CACNA2D4: variants seen among roughly 807,000 people sequenced by gnomAD.
CACNA2D4 encodes the protein calcium voltage-gated channel auxiliary subunit alpha2delta 4.
In CACNA2D4, 157 loss-of-function variants were observed where a neutral mutation model predicts 163.8. That is an observed-to-expected ratio of 0.96 (90% CI 0.84 to 1.09). The LOEUF is 1.09. Ranked by LOEUF, CACNA2D4 falls within the 50% of genes least tolerant of loss-of-function variation. CACNA2D4 has a pLI of 0.00. For missense variants in CACNA2D4, 1,410 were observed against 1,479.9 expected (o/e 0.95, Z 0.78); for synonymous variants, 598 against 586.9 (o/e 1.02, Z -0.27).
Position 1,829,197 on chromosome 12 carries a change from C to T in CACNA2D4, c.2551+11542G>A, listed in dbSNP as rs987454591. 1.3e-5 allele frequency among the ~76,000 whole-genome samples: 2 copies of T among 152,176 alleles called. No homozygotes were observed. Among genetic ancestry groups the T allele is most frequent in the Admixed American group, 6.5e-5 (1 of 15,288 alleles). On this transcript the variant is annotated intron_variant, in intron 26 of 37. Coordinates refer to ENST00000382722, the MANE Select transcript of CACNA2D4 (RefSeq NM_172364.5). The surrounding 1 kb of genome is among the most constrained non-coding windows in gnomAD (Gnocchi z 4.2). ...GGCGCAGGGAGTCGCTCTTCCGCAG[C>T]GGCTCTCTTAGCCTGCTGTCAGGCC...
intron 18 of CACNA2D4, among the ~76,000 whole-genome samples, 163 bp from the exon 19 acceptor site, chr12:1,860,369 A>G (rs1865497876): frequency 6.6e-6 from 1 of 152,166 alleles, no homozygotes; most frequent in Admixed American, 6.5e-5. Flanking sequence ...AGTGACACCC[A>G]TAGGCAGATC....
chr12:1,918,444 G>C lies in CACNA2D4; in HGVS notation c.30C>G (p.Pro10=), dbSNP rs1867052563. Residue 10 remains proline, a synonymous_variant, in exon 1 of 38, where the codon CCC becomes CCG. Transcript: ENST00000382722. MVCGCSALL[P]LPNPRPTMPA... ...GCATGGTGGGCCTGGGGTTGGGGAG[G>C]GGAAGGAGGGCAGAGCAGCCACAGA... 6.3e-7 allele frequency: 1 copy of C among 1,580,322 alleles called. No homozygotes were observed. The highest frequency in any genetic ancestry group is 1.3e-5 in the African/African-American group (1 of 74,288).
rs767112901 is a variant in CACNA2D4, at chr12:1,800,085, C to T, written c.2922-33G>A. ...ACACAGGACTGAATCTCGGAGACCT[C>T]TGAGCCCTCCCGACTTGGGTTCCCA... On this transcript the variant is annotated intron_variant, in intron 32 of 37. Transcript: ENST00000382722. 1.9e-5 allele frequency: 30 copies of T among 1,574,808 alleles called. No homozygotes were observed. In the South Asian group the frequency reaches 3.4e-4, roughly 18 times the overall value.
In CACNA2D4 at chr12:1,846,702, C is replaced by T; in HGVS notation, c.2247-13G>A. The T allele has an allele frequency of 6.3e-7, 1 of 1,582,184 alleles. No homozygotes were observed. The highest frequency in any genetic ancestry group is 1.2e-5 in the South Asian group (1 of 86,780). ...GTGTTCAGACTCCCTGTGTGGCAGA[C>T]AGAGCGGGAATGGTCACCACATGGC... On this transcript the variant is annotated splice_polypyrimidine_tract_variant and intron_variant, in intron 23 of 37. Coordinates refer to ENST00000382722, the MANE Select transcript of CACNA2D4 (RefSeq NM_172364.5).
chr12:1,819,315 C>G (rs1347567398), intron 26 of CACNA2D4, among the ~76,000 whole-genome samples: 1 of 152,058 alleles, frequency 6.6e-6, no homozygotes, highest in African/African-American at 2.4e-5. Flanking sequence ...AGGTCAGAGG[C>G]GGGACTCCCC....
At chr12:1,818,370 C>T (rs1333696729) in intron 26 of CACNA2D4, among the ~76,000 whole-genome samples, 1 of 151,816 alleles carries the variant, frequency 6.6e-6, no homozygotes, top group Non-Finnish European at 1.5e-5. Flanking sequence ...CGGATGGTTG[C>T]CGTGTCTGTG....
At chr12:1,885,877 G>T (rs1470095098) in intron 9 of CACNA2D4, 88 bp downstream of exon 9, 2 of 958,676 alleles carry the variant, frequency 2.1e-6, no homozygotes, top group Non-Finnish European at 3.2e-6. Context: ...TAAGCAAAAA[G>T]GGCCACAGAA....
intron 37 of CACNA2D4, among the ~76,000 whole-genome samples, chr12:1,794,705 C>G (rs1325183045): frequency 6.6e-6 from 1 of 152,226 alleles, no homozygotes; most frequent in Non-Finnish European, 1.5e-5. Context: ...ACGGGGTACG[C>G]AGAGCTCCCA....
intron 29 of CACNA2D4, among the ~76,000 whole-genome samples, chr12:1,809,046 T>TGTGG (rs949324409): frequency 1.9e-4 from 29 of 152,334 alleles, no homozygotes; most frequent in Admixed American, 1.7e-3. Context: ...TCTCTACTCT[T>TGTGG]GTGGCTGAGA....
intron 1 of CACNA2D4, chr12:1,915,328 G>C: frequency 1.4e-6 from 1 of 695,338 alleles, no homozygotes; most frequent in South Asian, 1.5e-5. Flanking sequence ...TGTGGGGCCG[G>C]GCTGACGAGC....
intron 18 of CACNA2D4, among the ~76,000 whole-genome samples, chr12:1,863,965 T>C (rs2154448712): frequency 6.6e-6 from 1 of 152,080 alleles, no homozygotes; most frequent in East Asian, 1.9e-4. Flanking sequence ...CAGCAGAGTT[T>C]CGGAAATGCG....
intron 26 of CACNA2D4, among the ~76,000 whole-genome samples, chr12:1,827,186 C>T (rs1017279621): frequency 2.0e-5 from 3 of 152,222 alleles, no homozygotes; most frequent in South Asian, 2.1e-4. Flanking sequence ...GTCCCCTGTC[C>T]CCCTCTCTGA....
chr12:1,800,450 A>G lies in CACNA2D4; in HGVS notation c.2869-12T>C. The G allele has an allele frequency of 6.2e-7, 1 of 1,613,424 alleles. No homozygotes were observed. Among genetic ancestry groups the G allele is most frequent in the South Asian group, 1.1e-5 (1 of 91,054 alleles). On this transcript the variant is annotated splice_polypyrimidine_tract_variant and intron_variant, in intron 31 of 37. Transcript: ENST00000382722. Reference sequence around the variant, plus strand: ...AAGGCAGAAATTGGCTGGGAAGGAGAGAGTGCACACCGCTCGCACCTAGGT... The same window carrying G: ...AAGGCAGAAATTGGCTGGGAAGGAGGGAGTGCACACCGCTCGCACCTAGGT...
chr12:1,860,944 T>A (rs1175200699), intron 18 of CACNA2D4, among the ~76,000 whole-genome samples: 1 of 152,184 alleles, frequency 6.6e-6, no homozygotes, highest in Admixed American at 6.5e-5. Flanking sequence ...GCAAGTTACT[T>A]CACTTCGAGT....
chr12:1,818,322 A>G (rs964666842), intron 26 of CACNA2D4, among the ~76,000 whole-genome samples: 1 of 151,918 alleles, frequency 6.6e-6, no homozygotes, highest in Non-Finnish European at 1.5e-5. Context: ...GCTTTGTGGA[A>G]TAGAAAGGCG....
rs755951151 is a variant in CACNA2D4, at chr12:1,846,590, C to T, written c.2342+4G>A. 13 of 1,589,534 alleles carry T rather than the reference C, an allele frequency of 8.2e-6. No homozygotes were observed. The highest frequency in any genetic ancestry group is 1.1e-5 in the Non-Finnish European group (13 of 1,172,010). ...GCCCTCCCGAGGTGGCCGGCCCAAC[C>T]CACCTGTCGGAGACCTTCTCGGAGC... On this transcript the variant is annotated splice_donor_region_variant and intron_variant, in intron 24 of 37. Coordinates refer to ENST00000382722, the MANE Select transcript of CACNA2D4 (RefSeq NM_172364.5).
intron 12 of CACNA2D4, 29 bp downstream of exon 12, chr12:1,884,214 G>A: frequency 1.3e-6 from 2 of 1,598,746 alleles, no homozygotes; most frequent in African/African-American, 2.7e-5. Context: ...AGGTGCAGGT[G>A]GGAAGGTACC....
At chr12:1,818,118 C>T (rs1198367554) in intron 26 of CACNA2D4, among the ~76,000 whole-genome samples, 7 of 146,224 alleles carry the variant, frequency 4.8e-5, no homozygotes, top group South Asian at 2.1e-4. Flanking sequence ...ATGTGAGGAG[C>T]GTCTCTTCCC....
rs1377375314 is a variant in CACNA2D4 at position 1,810,559 on chromosome 12, T to C, written c.2642A>G (p.Gln881Arg). Reference protein sequence around the residue: ...QCSTVDGPCTQSCEDSDLDCF... With the variant: ...QCSTVDGPCTRSCEDSDLDCF... ...AGAACTTACACTGTCCTCGCAGCTC[T>C]GTGTGCACGGCCCATCCACAGTGCT... Residue 881 changes from glutamine (Q) to arginine (R), a missense_variant, in exon 28 of 38, where the codon CAG becomes CGG. Gln to Arg is a conservative substitution (Grantham distance 43). Coordinates refer to ENST00000382722, the MANE Select transcript of CACNA2D4 (RefSeq NM_172364.5). 3.2e-6 allele frequency: 5 copies of C among 1,553,546 alleles called. No homozygotes were observed. Among genetic ancestry groups the C allele is most frequent in the Middle Eastern group, 3.3e-4 (2 of 5,982 alleles).
Sources: gnomAD v4.1 joint callset for allele counts (sites outside exome capture counted in the v4.1 genomes callset) on GRCh38, gnomAD v4.1.1 for gene constraint, Gnocchi (gnomAD v3.1) non-coding constraint, MANE v1.5 for transcripts, NCBI Gene and HGNC (gene_info 2026-07-23, HGNC 2026-07-21) for gene names.